DAD1: variants seen among roughly 807,000 people sequenced by gnomAD.
DAD1 encodes the protein dolichyl-diphosphooligosaccharide--protein glycosyltransferase subunit DAD1.
DAD1 carries 4 observed loss-of-function variants against 9.0 expected under a neutral mutation model. That is an observed-to-expected ratio of 0.44 (90% CI 0.22 to 1.01). The LOEUF is 1.01. Ranked by LOEUF, DAD1 falls within the 50% of genes least tolerant of loss-of-function variation. The pLI is 0.24. For synonymous variants in DAD1, 60 were observed against 62.5 expected (o/e 0.96, Z 0.19); for missense variants, 119 against 137.3 (o/e 0.87, Z 0.67).
intron 1 of DAD1, among the ~76,000 whole-genome samples, chr14:22,580,697 G>C (rs758111820): frequency 1.3e-5 from 2 of 152,112 alleles, no homozygotes; most frequent in Non-Finnish European, 2.9e-5. Flanking sequence ...GTCCCACAAA[G>C]TTGGAAAGGA....
At chr14:22,573,576 G>A (rs2037056528) in intron 2 of DAD1, among the ~76,000 whole-genome samples, 1 of 151,950 alleles carries the variant, frequency 6.6e-6, no homozygotes, top group Non-Finnish European at 1.5e-5. Context: ...CGGGCGTGGT[G>A]GCGGGCGCCT....
chr14:22,580,625 T>G (rs1015465332), intron 1 of DAD1, among the ~76,000 whole-genome samples: 6 of 151,942 alleles, frequency 3.9e-5, no homozygotes, highest in African/African-American at 1.5e-4. Flanking sequence ...GGTAATAAAT[T>G]GATGTTATTA....
At chr14:22,584,911 G>T (rs765843478) in intron 1 of DAD1, among the ~76,000 whole-genome samples, 50 of 152,260 alleles carry the variant, frequency 3.3e-4, no homozygotes, top group Admixed American at 8.5e-4. Flanking sequence ...CCAGTAAGGA[G>T]GATTACAGTA....
intron 2 of DAD1, among the ~76,000 whole-genome samples, chr14:22,574,012 G>A (rs150641338): frequency 3.3e-4 from 51 of 152,290 alleles, no homozygotes; most frequent in African/African-American, 1.2e-3. Flanking sequence ...GACAGGAAGA[G>A]GTTGGTCCTA....
intron 1 of DAD1, among the ~76,000 whole-genome samples, chr14:22,578,979 A>G (rs2037097419): frequency 6.6e-6 from 1 of 152,240 alleles, no homozygotes. Flanking sequence ...CTGAATGATA[A>G]AAAGTTATAA....
At chr14:22,575,850 A>T (rs1389722166) in intron 1 of DAD1, among the ~76,000 whole-genome samples, 1 of 152,086 alleles carries the variant, frequency 6.6e-6, no homozygotes, top group African/African-American at 2.4e-5. Context: ...CCCGGACAAA[A>T]CTTAAAAAAT....
In DAD1 at chr14:22,586,579, C is replaced by T. The variant is rs77916260; in HGVS notation, c.211+2368G>A. Among the ~76,000 whole-genome samples, 35 of 152,254 alleles carry T rather than the reference C, an allele frequency of 2.3e-4. No individual in the cohort carries two copies. The East Asian group carries it at 5.8e-3, about 25-fold the overall frequency. On this transcript the variant is annotated intron_variant, in intron 1 of 2. Coordinates refer to ENST00000250498, the MANE Select transcript of DAD1 (RefSeq NM_001344.4). The stretch of plus-strand genomic sequence containing the variant: ...CAAATTCCTTGGCCTGGCATTCAAA[C>T]ATCTAGCACCCAGCACTACCTAATC...
chr14:22,573,465 T>A (rs1041821131), intron 2 of DAD1, among the ~76,000 whole-genome samples: 1 of 151,950 alleles, frequency 6.6e-6, no homozygotes, highest in Admixed American at 6.6e-5. Context: ...TAAAAGTTTT[T>A]CACTGTTGGG....
intron 2 of DAD1, among the ~76,000 whole-genome samples, chr14:22,570,389 T>C (rs1392958567): frequency 6.6e-6 from 1 of 152,168 alleles, no homozygotes; most frequent in Non-Finnish European, 1.5e-5. Context: ...TGCCCACTTC[T>C]GGCCAGAATG....
At position 22,565,026 on chromosome 14, in the gene DAD1, T is replaced by C. The variant is rs2036993536; in HGVS notation, c.*156A>G. ...TCTGACACACAGTGAACTCTGGGCT[T>C]TTCTCCTGCATAAAAAGCAGAGCTA... On this transcript the variant is annotated 3_prime_UTR_variant, in exon 3 of 3. Coordinates refer to ENST00000250498, the MANE Select transcript of DAD1 (RefSeq NM_001344.4). 49 of 687,670 alleles carry C rather than the reference T, an allele frequency of 7.1e-5. No homozygotes were observed. The South Asian group carries it at 7.5e-4, about 11-fold the overall frequency. The allele number at this position is 687,670 out of a possible 1,614,324, so 42.6% of individuals were successfully genotyped here.
intron 1 of DAD1, among the ~76,000 whole-genome samples, chr14:22,578,384 G>A (rs1296757043): frequency 6.6e-6 from 1 of 152,136 alleles, no homozygotes; most frequent in African/African-American, 2.4e-5. Context: ...GGCCAACATG[G>A]GGAAACCCCA....
At chr14:22,576,047 C>T (rs766967996) in intron 1 of DAD1, among the ~76,000 whole-genome samples, 12 of 152,180 alleles carry the variant, frequency 7.9e-5, no homozygotes, top group Non-Finnish European at 1.6e-4. Flanking sequence ...ACTGAGAACT[C>T]GGCAGGAGAC....
At chr14:22,582,669 T>C (rs1433174665) in intron 1 of DAD1, among the ~76,000 whole-genome samples, 1 of 152,070 alleles carries the variant, frequency 6.6e-6, no homozygotes, top group Non-Finnish European at 1.5e-5. Context: ...ATGCAGGAGA[T>C]AAGAGAAATC....
chr14:22,569,950 G>A (rs5742835), intron 2 of DAD1, among the ~76,000 whole-genome samples: 58,066 of 151,832 alleles, frequency 0.38, 11,256 homozygotes, highest in South Asian at 0.42. Context: ...CTTGGGCAAC[G>A]TAGCGAGACC....
At chr14:22,568,781 G>A (rs1054895941) in intron 2 of DAD1, among the ~76,000 whole-genome samples, 2 of 150,002 alleles carry the variant, frequency 1.3e-5, no homozygotes, top group African/African-American at 2.5e-5. Context: ...CACTGCAGCC[G>A]TGACCTCCCA....
intron 1 of DAD1, among the ~76,000 whole-genome samples, chr14:22,587,770 T>C (rs5742740): frequency 0.017 from 2,531 of 146,172 alleles, 66 homozygotes; most frequent in African/African-American, 0.061. Flanking sequence ...AGGCTGAGCC[T>C]CACTCTCACC....
chr14:22,567,376 T>G lies in DAD1; in HGVS notation c.*45-2239A>C, dbSNP rs535320094. Reference sequence around the variant, plus strand: ...TGGATTCTAGTCACCCAATTAAAACTGAAATTAGAAATAATGTGAATCAAA... The same window carrying G: ...TGGATTCTAGTCACCCAATTAAAACGGAAATTAGAAATAATGTGAATCAAA... On this transcript the variant is annotated intron_variant, in intron 2 of 2. Transcript: ENST00000250498. 2.2e-4 allele frequency among the ~76,000 whole-genome samples: 34 copies of G among 152,354 alleles called. No homozygotes were observed. The South Asian group carries it at 3.1e-3, about 14-fold the overall frequency.
chr14:22,584,257 G>A (rs2037137326), intron 1 of DAD1, among the ~76,000 whole-genome samples: 2 of 152,118 alleles, frequency 1.3e-5, no homozygotes, highest in African/African-American at 4.8e-5. Context: ...CACTGAGGAT[G>A]GAGAGATGAG....
chr14:22,578,472 A>G (rs2037093564), intron 1 of DAD1, among the ~76,000 whole-genome samples: 1 of 152,174 alleles, frequency 6.6e-6, no homozygotes, highest in African/African-American at 2.4e-5. Flanking sequence ...AGGCTGAGGC[A>G]GGAGAATTTG....
Sources: gnomAD v4.1 joint callset for allele counts (sites outside exome capture counted in the v4.1 genomes callset) on GRCh38, gnomAD v4.1.1 for gene constraint, MANE v1.5 for transcripts, NCBI Gene and HGNC (gene_info 2026-07-23, HGNC 2026-07-21) for gene names.